DCST1: variants seen among roughly 807,000 people sequenced by gnomAD.
DCST1 encodes DC-STAMP domain containing 1.
A neutral mutation model predicts 89.1 loss-of-function variants in DCST1; 78 were observed. That is an observed-to-expected ratio of 0.88 (90% confidence interval 0.73 to 1.06). The LOEUF (loss-of-function observed/expected upper bound fraction) is 1.06, where lower values mean the gene tolerates loss of function less well. Ranked by LOEUF, DCST1 falls within the 50% of genes least tolerant of loss-of-function variation. The pLI is 0.00. For synonymous variants in DCST1, 364 were observed against 371.9 expected, an observed-to-expected ratio of 0.98 and a Z score of 0.24; for missense variants, 900 against 928.6, an observed-to-expected ratio of 0.97 and a Z score of 0.40.
chr1:155,047,868 G>T lies in DCST1; in HGVS notation c.1694G>T (p.Cys565Phe). The stretch of plus-strand genomic sequence containing the variant: ...CCGATTGGCCTGTTAGTGTGTCTCT[G>T]CCTGTTACAGGCTTTTGGCTACCGA... Reference protein sequence around the residue: ...AVPIGLLVCLCLLQAFGYRLR... With the variant: ...AVPIGLLVCLFLLQAFGYRLR... Residue 565 changes from cysteine (C) to phenylalanine (F), a missense_variant, in exon 15 of 17, where the codon TGC becomes TTC. Cys to Phe is a radical substitution (Grantham distance 205, BLOSUM62 -2). Transcript: ENST00000295542. The T allele has an allele frequency of 6.2e-7, 1 of 1,614,172 alleles. No homozygotes were observed. The highest frequency in any genetic ancestry group is 8.5e-7 in the Non-Finnish European group (1 of 1,180,042).
At chr1:155,046,311 C>T (rs1446436087) in intron 12 of DCST1, 49 bp from the exon 13 acceptor site, 3 of 1,613,994 alleles carry the variant, frequency 1.9e-6, no homozygotes, top group Non-Finnish European at 2.5e-6. Flanking sequence ...GTGCTCCGTG[C>T]CCAGGCAGAT....
At position 155,046,172 on chromosome 1, in the gene DCST1, C is replaced by T; in HGVS notation, c.1320C>T (p.Val440=). The T allele has an allele frequency of 1.2e-6, 2 of 1,614,220 alleles. No individual in the cohort carries two copies. The highest frequency in any genetic ancestry group is 1.7e-6 in the Non-Finnish European group (2 of 1,180,048). ...LPLRKAEEKT[V]IFPCKPTIQA... ...TCCGCAAAGCTGAGGAGAAAACCGT[C>T]ATCTTCCCTTGCAAGCCCACCATCC... The change falls in exon 12 of 17, where the codon GTC becomes GTT. Residue 440 remains valine, a synonymous_variant. Coordinates refer to ENST00000295542, the MANE Select transcript of DCST1 (RefSeq NM_152494.4).
chr1:155,039,370 T>C (rs1379350428), intron 4 of DCST1, 33 bp from the exon 5 acceptor site: 1 of 1,500,586 alleles, frequency 6.7e-7, no homozygotes, highest in African/African-American at 1.4e-5. Flanking sequence ...GCTTCCTCAC[T>C]TCAGCTCACC....
chr1:155,050,404 T>C (rs1660872989), intron 16 of DCST1, among the ~76,000 whole-genome samples: 1 of 152,230 alleles, frequency 6.6e-6, no homozygotes, highest in African/African-American at 2.4e-5. Context: ...TGATATCCGC[T>C]TGGAGAGAGC....
chr1:155,046,180 C>T lies in DCST1; in HGVS notation c.1328C>T (p.Pro443Leu). 6.2e-7 allele frequency: 1 copy of T among 1,614,236 alleles called. No homozygotes were observed. Among genetic ancestry groups the T allele is most frequent in the South Asian group, 1.1e-5 (1 of 91,080 alleles). The change falls in exon 12 of 17, where the codon CCT (proline) becomes CTT (leucine). Residue 443 changes from proline to leucine, a missense_variant. By Grantham distance (98) the Pro-to-Leu change is moderately conservative (BLOSUM62 -3). Coordinates refer to ENST00000295542, the MANE Select transcript of DCST1 (RefSeq NM_152494.4). ...GCTGAGGAGAAAACCGTCATCTTCC[C>T]TTGCAAGCCCACCATCCAGGCCTCA... is the stretch of plus-strand genomic sequence containing the variant. ...RKAEEKTVIF[P>L]CKPTIQASEM...
At chr1:155,046,017 G>C in intron 11 of DCST1, 25 bp downstream of exon 11, 1 of 1,612,690 alleles carries the variant, frequency 6.2e-7, no homozygotes, top group Admixed American at 1.7e-5. Context: ...CACTGCCCGG[G>C]GATGCCTTGC....
Position 155,046,484 on chromosome 1 carries a change from G to A in DCST1, c.1493G>A (p.Arg498His), listed in dbSNP as rs751729002. 4.5e-5 allele frequency: 72 copies of A among 1,613,032 alleles called. No homozygotes were observed. The highest frequency in any genetic ancestry group is 2.9e-5 in the Non-Finnish European group (34 of 1,179,836). ...RHHSFLQYSF[R>H]SSHKLEVKVG... is the part of the protein sequence containing the mutation. ...CACTCCTTCCTGCAGTACTCCTTCC[G>A]CAGTAAGCCCATCCCCCAGACACAT... Residue 498 changes from arginine to histidine, a missense_variant and splice_region_variant, in exon 13 of 17, where the codon CGC becomes CAC. Transcript: ENST00000295542.
intron 11 of DCST1, 21 bp from the exon 12 acceptor site, chr1:155,046,104 G>A: frequency 6.2e-7 from 1 of 1,614,174 alleles, no homozygotes; most frequent in Middle Eastern, 1.6e-4. Flanking sequence ...CTTCCTAACT[G>A]TGTGGACATT....
chr1:155,045,617 T>G (rs1322217438), intron 10 of DCST1: 8 of 479,268 alleles, frequency 1.7e-5, no homozygotes, highest in Non-Finnish European at 1.9e-5. Context: ...CCAGACAGGC[T>G]GACCATGCCC....
chr1:155,040,651 G>A (rs765440907), intron 6 of DCST1, 27 bp downstream of exon 6: 1 of 1,532,450 alleles, frequency 6.5e-7, no homozygotes, highest in Non-Finnish European at 8.8e-7. Context: ...GGCAGAGCCT[G>A]GGGGGTCCCT....
rs750408151 is a variant in DCST1 at position 155,034,291 on chromosome 1, T to G, written c.62-144T>G. Reference sequence around the variant, plus strand: ...ACCCATACCACTTCCTCAGGCTCCCTCATCCTCCTCCAGGGTCCCCTAAGT... The same window carrying G: ...ACCCATACCACTTCCTCAGGCTCCCGCATCCTCCTCCAGGGTCCCCTAAGT... On this transcript the variant is annotated intron_variant, in intron 2 of 16. Coordinates refer to ENST00000295542, the MANE Select transcript of DCST1 (RefSeq NM_152494.4). The G allele has an allele frequency of 4.4e-6, 7 of 1,591,786 alleles. No individual in the cohort carries two copies. In the South Asian group the frequency reaches 6.7e-5, roughly 15 times the overall value.
chr1:155,044,187 A>G (rs1036984872), intron 10 of DCST1, among the ~76,000 whole-genome samples: 4 of 152,166 alleles, frequency 2.6e-5, no homozygotes, highest in African/African-American at 7.2e-5. Flanking sequence ...CCTGCCCCCA[A>G]TAAGCTCATG....
chr1:155,042,637 A>G (rs1004636652), intron 8 of DCST1, 98 bp from the exon 9 acceptor site: 37 of 1,549,938 alleles, frequency 2.4e-5, no homozygotes, highest in Non-Finnish European at 3.3e-5. Flanking sequence ...GAGAGACAAA[A>G]AAGCAGGATG....
At chr1:155,036,083 C>A (rs1428802813) in intron 4 of DCST1, among the ~76,000 whole-genome samples, 1 of 146,818 alleles carries the variant, frequency 6.8e-6, no homozygotes, top group Admixed American at 6.8e-5. Flanking sequence ...GAAGAAACAT[C>A]CTTTCCTCAT....
In DCST1 at chr1:155,047,888, T is replaced by C; in HGVS notation, c.1714T>C (p.Tyr572His). 6.2e-7 allele frequency: 1 copy of C among 1,614,170 alleles called. No homozygotes were observed. Among genetic ancestry groups the C allele is most frequent in the Non-Finnish European group, 8.5e-7 (1 of 1,180,030 alleles). Residue 572 changes from tyrosine to histidine, a missense_variant, in exon 15 of 17, where the codon TAC becomes CAC. Transcript: ENST00000295542. The stretch of plus-strand genomic sequence containing the variant: ...TCTCTGCCTGTTACAGGCTTTTGGC[T>C]ACCGACTCCGGAGGGTCATCGCAGC... ...VCLCLLQAFG[Y>H]RLRRVIAAFY...
At chr1:155,035,013 C>T in intron 4 of DCST1, 1 of 418,124 alleles carries the variant, frequency 2.4e-6, no homozygotes, top group South Asian at 3.6e-5. Flanking sequence ...TCTCTCCTGA[C>T]CTGTCTGACC....
Position 155,033,850 on chromosome 1 carries a change from G to C in DCST1, c.-70G>C. ...ACCCAGTTCCGAGGACTGGAGAGGGGATAGGTAGGTCTCTAATCTCCTTCC... is the reference window on the plus strand; with the variant it reads ...ACCCAGTTCCGAGGACTGGAGAGGGCATAGGTAGGTCTCTAATCTCCTTCC... On this transcript the variant is annotated 5_prime_UTR_variant, in exon 1 of 17. Transcript: ENST00000295542. The C allele has an allele frequency of 7.6e-7, 1 of 1,322,934 alleles. No individual in the cohort carries two copies. The highest frequency in any genetic ancestry group is 1.0e-6 in the Non-Finnish European group (1 of 965,790). The allele number at this position is 1,322,934 out of a possible 1,614,324, so 81.9% of individuals were successfully genotyped here.
At chr1:155,034,782 G>T in intron 4 of DCST1, 55 bp downstream of exon 4, 1 of 1,584,210 alleles carries the variant, frequency 6.3e-7, no homozygotes. Context: ...ACACAGCGCC[G>T]TCCTGCATGC....
chr1:155,046,544 A>G (rs1660636985), intron 13 of DCST1, 58 bp downstream of exon 13: 3 of 1,587,264 alleles, frequency 1.9e-6, no homozygotes, highest in Non-Finnish European at 2.6e-6. Flanking sequence ...GAGAACTCCA[A>G]TGCCTGCACA....
Sources: gnomAD v4.1 joint callset for allele counts (sites outside exome capture counted in the v4.1 genomes callset) on GRCh38, gnomAD v4.1.1 for gene constraint, MANE v1.5 for transcripts, NCBI Gene and HGNC (gene_info 2026-07-23, HGNC 2026-07-21) for gene names.